The following NTM variants were observed in gnomAD, a reference collection of about 807,000 sequenced individuals.
NTM encodes the protein neurotrimin.
In NTM, 13 loss-of-function variants were observed where a neutral mutation model predicts 42.1. The ratio of observed to expected loss-of-function variants is 0.31; its 90% confidence interval spans 0.20 to 0.49. The LOEUF (loss-of-function observed/expected upper bound fraction) is 0.49. Ranked by LOEUF, NTM falls within the 20% of genes least tolerant of loss-of-function variation. NTM has a pLI of 0.99. For synonymous variants in NTM, 187 were observed against 179.2 expected (o/e 1.04, Z -0.35); for missense variants, 373 against 452.8 (o/e 0.82, Z 1.60).
chr11:132,246,022 C>T (rs911561881), intron 4 of NTM, among the ~76,000 whole-genome samples: 1 of 152,162 alleles, frequency 6.6e-6, no homozygotes, highest in Non-Finnish European at 1.5e-5. Flanking sequence ...AGAGCTGCCC[C>T]GGGCTAGAGG....
At chr11:132,123,283 G>A (rs1008637389) in intron 2 of NTM, among the ~76,000 whole-genome samples, 1 of 152,188 alleles carries the variant, frequency 6.6e-6, no homozygotes, top group Non-Finnish European at 1.5e-5. Context: ...AGGCACAGGG[G>A]GCAGTGTGGG....
At chr11:131,898,281 C>T (rs1221652202) in intron 1 of NTM, among the ~76,000 whole-genome samples, 2 of 152,202 alleles carry the variant, frequency 1.3e-5, no homozygotes, top group African/African-American at 4.8e-5. Flanking sequence ...GGAACCAGTG[C>T]TGATGTCTGC....
At chr11:131,435,714 C>T (rs1317613401) in intron 1 of NTM, among the ~76,000 whole-genome samples, 1 of 152,206 alleles carries the variant, frequency 6.6e-6, no homozygotes, top group Non-Finnish European at 1.5e-5. Context: ...TCTAAATATA[C>T]AATCATGTCA....
chr11:131,982,029 G>C (rs2065322341), intron 2 of NTM, among the ~76,000 whole-genome samples: 1 of 151,342 alleles, frequency 6.6e-6, no homozygotes, highest in South Asian at 2.1e-4. Flanking sequence ...AAAAAGAAAA[G>C]GAGAGAAAAC....
chr11:132,169,319 A>ATTTTTTTTTTTTT (rs1491121130), intron 3 of NTM, among the ~76,000 whole-genome samples: 3 of 10,290 alleles, frequency 2.9e-4, no homozygotes, highest in Non-Finnish European at 5.5e-4. Flanking sequence ...TAATTTTTTT[A>ATTTTTTTTTTTTT]CTTTTTTTTT....
At chr11:131,844,733 T>G in intron 1 of NTM, among the ~76,000 whole-genome samples, 1 of 152,198 alleles carries the variant, frequency 6.6e-6, no homozygotes, top group Non-Finnish European at 1.5e-5. Context: ...TTTGTTGTTA[T>G]TATAGTGTCT....
At chr11:131,700,473 C>T (rs1028848736) in intron 1 of NTM, among the ~76,000 whole-genome samples, 1 of 152,190 alleles carries the variant, frequency 6.6e-6, no homozygotes, top group African/African-American at 2.4e-5. Context: ...GTCTTCTTAG[C>T]TCCACTTGAC....
At chr11:132,299,647 A>G (rs1029975537) in intron 4 of NTM, among the ~76,000 whole-genome samples, 2 of 152,192 alleles carry the variant, frequency 1.3e-5, no homozygotes, top group African/African-American at 4.8e-5. Context: ...TTTCTCTTAT[A>G]TGATGGGAAC....
intron 1 of NTM, chr11:131,910,809 C>G: frequency 2.0e-6 from 2 of 984,348 alleles, no homozygotes; most frequent in East Asian, 1.1e-4. Flanking sequence ...CGAGCCCCGC[C>G]GGACAGCGGC....
intron 1 of NTM, among the ~76,000 whole-genome samples, chr11:131,456,055 T>C (rs1488139451): frequency 6.6e-6 from 1 of 152,186 alleles, no homozygotes; most frequent in African/African-American, 2.4e-5. Context: ...ATTTTGTGTG[T>C]GTGAAAAATA....
At chr11:131,745,642 T>C (rs1207514490) in intron 1 of NTM, among the ~76,000 whole-genome samples, 1 of 152,172 alleles carries the variant, frequency 6.6e-6, no homozygotes, top group African/African-American at 2.4e-5. Context: ...CTCGTGGCCT[T>C]AGCCAAGTCA....
chr11:131,857,543 G>A (rs2046222127), intron 1 of NTM, among the ~76,000 whole-genome samples: 2 of 152,264 alleles, frequency 1.3e-5, no homozygotes, highest in Middle Eastern at 3.4e-3. Flanking sequence ...CTTGCTGCTA[G>A]TTCTCTTTGC....
At chr11:131,387,959 C>T (rs1372165383) in intron 1 of NTM, among the ~76,000 whole-genome samples, 3 of 152,184 alleles carry the variant, frequency 2.0e-5, no homozygotes, top group Admixed American at 1.3e-4. Flanking sequence ...ACTCTCCAAG[C>T]GTGGTCTCCA....
At chr11:131,582,745 G>A (rs1029911358) in intron 1 of NTM, among the ~76,000 whole-genome samples, 2 of 151,960 alleles carry the variant, frequency 1.3e-5, no homozygotes, top group African/African-American at 4.8e-5. Flanking sequence ...CATTCCCCAC[G>A]TCCATTACTT....
chr11:131,789,535 AG>A (rs2090216335), intron 1 of NTM, among the ~76,000 whole-genome samples: 1 of 28,648 alleles, frequency 3.5e-5, no homozygotes, highest in African/African-American at 2.0e-4. Context: ...AAGAAGAAGA[AG>A]AAGAAGAAGA....
intron 1 of NTM, among the ~76,000 whole-genome samples, chr11:131,814,629 A>G (rs1486863309): frequency 6.6e-6 from 1 of 152,220 alleles, no homozygotes; most frequent in East Asian, 1.9e-4. Context: ...ATCAATGCAA[A>G]GAAAATAAAA....
chr11:132,035,371 A>G (rs1456923134), intron 2 of NTM, among the ~76,000 whole-genome samples: 1 of 152,214 alleles, frequency 6.6e-6, no homozygotes, highest in Non-Finnish European at 1.5e-5. Flanking sequence ...ATTGAGTGTC[A>G]TGCTTCTTTG....
In NTM at chr11:132,336,068, C is replaced by A. The variant is rs144598393; in HGVS notation, c.*922C>A. On this transcript the variant is annotated 3_prime_UTR_variant, in exon 9 of 9. Transcript: ENST00000683400. Reference sequence around the variant, plus strand: ...CTCCTCCCAATTCTGACATCTCTTGCAGACAATACTATGCTCTCTACACAC... The same window carrying A: ...CTCCTCCCAATTCTGACATCTCTTGAAGACAATACTATGCTCTCTACACAC... The A allele has an allele frequency of 0.033, 5,041 of 152,694 alleles. 176 individuals are homozygous for A. The highest frequency in any genetic ancestry group is 0.11 in the Admixed American group (1,641 of 15,280). The allele number at this position is 152,694 out of a possible 1,614,324, so 9.5% of individuals were successfully genotyped here.
intron 1 of NTM, among the ~76,000 whole-genome samples, chr11:131,581,005 A>C (rs773738320): frequency 7.2e-5 from 11 of 152,172 alleles, no homozygotes; most frequent in Non-Finnish European, 1.2e-4. Flanking sequence ...GAAGCAATAA[A>C]ATTTTAGGGA....
Sources: gnomAD v4.1 joint callset for allele counts (sites outside exome capture counted in the v4.1 genomes callset) on GRCh38, gnomAD v4.1.1 for gene constraint, MANE v1.5 for transcripts, NCBI Gene and HGNC (gene_info 2026-07-23, HGNC 2026-07-21) for gene names.